Variants in TMEM131 observed in about 807,000 individuals in gnomAD.
TMEM131 encodes transmembrane protein 131.
A neutral mutation model predicts 211.6 loss-of-function variants in TMEM131; 66 were observed. The ratio of observed to expected loss-of-function variants is 0.31; its 90% confidence interval spans 0.26 to 0.38. The LOEUF is 0.38. TMEM131 is among the 10% of genes least tolerant of loss of function. TMEM131 has a pLI of 1.00. For missense variants in TMEM131, 2,036 were observed against 2,299.3 expected, an observed-to-expected ratio of 0.89 and a Z score of 2.34; for synonymous variants, 844 against 841.3, an observed-to-expected ratio of 1.00 and a Z score of -0.06.
chr2:97,902,302 ACT>A (rs1675889612), intron 3 of TMEM131, among the ~76,000 whole-genome samples: 1 of 152,214 alleles, frequency 6.6e-6, no homozygotes, highest in Non-Finnish European at 1.5e-5. Flanking sequence ...TAAACACCGT[ACT>A]CTTTTTTTAT....
chr2:97,759,832 A>C, intron 38 of TMEM131, 83 bp from the exon 39 acceptor site: 1 of 925,792 alleles, frequency 1.1e-6, no homozygotes, highest in South Asian at 1.4e-5. Flanking sequence ...AGCTTCACAA[A>C]CAGGAGACAC....
intron 31 of TMEM131, among the ~76,000 whole-genome samples, chr2:97,785,211 T>TA (rs1680190923): frequency 6.6e-6 from 1 of 152,124 alleles, no homozygotes; most frequent in Non-Finnish European, 1.5e-5. Context: ...TCATGGACTA[T>TA]AAAAGGATAA....
chr2:97,967,611 C>T (rs995715310), intron 1 of TMEM131, among the ~76,000 whole-genome samples: 1 of 151,810 alleles, frequency 6.6e-6, no homozygotes, highest in Non-Finnish European at 1.5e-5. Context: ...CTAATTCGAA[C>T]GGTGCAATGG....
chr2:97,827,068 CAAA>C (rs66841026), intron 11 of TMEM131, among the ~76,000 whole-genome samples: 54 of 93,652 alleles, frequency 5.8e-4, no homozygotes, highest in Non-Finnish European at 6.8e-4. Context: ...AAGTGATAAG[CAAA>C]AAAAAAAAAA....
chr2:97,993,017 G>A (rs1270041807), intron 1 of TMEM131, among the ~76,000 whole-genome samples: 1 of 152,184 alleles, frequency 6.6e-6, no homozygotes, highest in East Asian at 1.9e-4. Context: ...AATGGTCCAT[G>A]CTTCTGACTC....
chr2:97,993,819 CA>C (rs1680365968), intron 1 of TMEM131, among the ~76,000 whole-genome samples: 1 of 152,150 alleles, frequency 6.6e-6, no homozygotes, highest in African/African-American at 2.4e-5. Context: ...AGTTCTCAAA[CA>C]AAAGGTTTGT....
chr2:97,945,725 T>C (rs1678001528), intron 1 of TMEM131, among the ~76,000 whole-genome samples: 2 of 152,094 alleles, frequency 1.3e-5, no homozygotes, highest in Non-Finnish European at 2.9e-5. Flanking sequence ...GGGTAAAGAA[T>C]ATGAATGTTT....
intron 7 of TMEM131, among the ~76,000 whole-genome samples, chr2:97,837,525 G>A (rs1682993776): frequency 6.6e-6 from 1 of 152,152 alleles, no homozygotes; most frequent in South Asian, 2.1e-4. Flanking sequence ...GTAACACAAA[G>A]TGCTTCTTTA....
At chr2:97,991,151 A>C (rs760305876) in intron 1 of TMEM131, among the ~76,000 whole-genome samples, 52 of 152,216 alleles carry the variant, frequency 3.4e-4, no homozygotes, top group Non-Finnish European at 6.3e-4. Context: ...ATCAAAACTG[A>C]ATGCCTGCTA....
intron 11 of TMEM131, among the ~76,000 whole-genome samples, chr2:97,822,458 C>A (rs1186239298): frequency 1.3e-5 from 2 of 152,194 alleles, no homozygotes; most frequent in Non-Finnish European, 2.9e-5. Flanking sequence ...CCCTCCACTT[C>A]ATTTTTGGGG....
chr2:97,919,513 A>G (rs1676649455), intron 2 of TMEM131, among the ~76,000 whole-genome samples: 2 of 152,154 alleles, frequency 1.3e-5, no homozygotes, highest in Non-Finnish European at 2.9e-5. Flanking sequence ...GGCTAATTCT[A>G]CCTTCTTTGA....
At chr2:97,797,261 AT>A in intron 26 of TMEM131, 103 bp downstream of exon 26, 6 of 1,158,204 alleles carry the variant, frequency 5.2e-6, no homozygotes, top group Non-Finnish European at 7.4e-6. Context: ...GACAAAGTGA[AT>A]TCAAACTATT....
intron 5 of TMEM131, 83 bp from the exon 6 acceptor site, chr2:97,844,344 C>A: frequency 2.4e-6 from 1 of 411,998 alleles, no homozygotes; most frequent in Non-Finnish European, 4.4e-6. Flanking sequence ...CTTAGAATCA[C>A]TTCCATAAAC....
intron 1 of TMEM131, among the ~76,000 whole-genome samples, chr2:97,940,899 C>G (rs1488713100): frequency 6.6e-6 from 1 of 151,904 alleles, no homozygotes; most frequent in African/African-American, 2.4e-5. Flanking sequence ...CCATACTGCC[C>G]AAAGTAATTT....
At chr2:97,950,008 G>A (rs1678229299) in intron 1 of TMEM131, among the ~76,000 whole-genome samples, 1 of 151,868 alleles carries the variant, frequency 6.6e-6, no homozygotes, top group Admixed American at 6.6e-5. Context: ...AAACCCAAAG[G>A]CCTATCATTA....
chr2:97,792,945 C>T lies in TMEM131; in HGVS notation c.3585G>A (p.Gly1195=). Residue 1195 remains glycine, a synonymous_variant, in exon 31 of 41, where the codon GGG becomes GGA. Coordinates refer to ENST00000186436, the MANE Select transcript of TMEM131 (RefSeq NM_015348.2). ...ATGATGAACCGCCTGCTCCACAGAA[C>T]CCCCTACTGTGACCGGGGTCACAGC... ...TLSCDPGHSR[G]FCGAGGSSSR... is the part of the protein sequence containing the mutation. 2.5e-6 allele frequency: 4 copies of T among 1,604,994 alleles called. No homozygotes were observed. Among genetic ancestry groups the T allele is most frequent in the Non-Finnish European group, 3.4e-6 (4 of 1,175,976 alleles).
At chr2:97,806,400 G>T (rs1014756292) in intron 19 of TMEM131, among the ~76,000 whole-genome samples, 1 of 152,158 alleles carries the variant, frequency 6.6e-6, no homozygotes, top group African/African-American at 2.4e-5. Context: ...AAATTAGCAG[G>T]CATGGTGGCA....
chr2:97,828,341 A>G (rs1208958382), intron 11 of TMEM131, among the ~76,000 whole-genome samples: 1 of 152,096 alleles, frequency 6.6e-6, no homozygotes, highest in Non-Finnish European at 1.5e-5. Flanking sequence ...TGAAATCTCA[A>G]TTATGAAAAA....
intron 11 of TMEM131, among the ~76,000 whole-genome samples, chr2:97,824,282 C>T (rs556234887): frequency 3.9e-5 from 6 of 152,306 alleles, no homozygotes; most frequent in East Asian, 1.9e-4. Context: ...TGAGGGTGCC[C>T]GGGGCAAGTG....
Sources: allele counts gnomAD v4.1 joint callset (sites outside exome capture counted in the v4.1 genomes callset), GRCh38; gene constraint gnomAD v4.1.1; transcripts MANE v1.5; gene names NCBI Gene and HGNC (gene_info 2026-07-23, HGNC 2026-07-21).